Variants in BMERB1 observed in about 807,000 individuals in gnomAD.
BMERB1 encodes the protein bMERB domain containing 1.
Under a neutral mutation model 23.6 loss-of-function variants are expected in BMERB1, and 12 were observed. The ratio of observed to expected loss-of-function variants is 0.51; its 90% CI spans 0.33 to 0.82. The LOEUF is 0.82. BMERB1 is among the 40% of genes least tolerant of loss of function. The pLI, the probability that BMERB1 is intolerant of heterozygous loss-of-function variation, is 0.03. For missense variants in BMERB1, 247 were observed against 255.4 expected (o/e 0.97, Z 0.22); for synonymous variants, 122 against 96.6 (o/e 1.26, Z -1.54).
At chr16:15,535,491 C>CAA (rs997346871) in intron 2 of BMERB1, among the ~76,000 whole-genome samples, 1 of 150,352 alleles carries the variant, frequency 6.7e-6, no homozygotes, top group East Asian at 1.9e-4. Context: ...ACTAAAAATA[C>CAA]AAAAAAAAAT....
intron 3 of BMERB1, among the ~76,000 whole-genome samples, chr16:15,573,565 G>C (rs73499200): frequency 0.06 from 9,122 of 151,856 alleles, 954 homozygotes; most frequent in African/African-American, 0.21. Context: ...CACTTTATCT[G>C]GGTGGTACCC....
chr16:15,496,053 G>A (rs2051469860), intron 1 of BMERB1, among the ~76,000 whole-genome samples: 1 of 151,946 alleles, frequency 6.6e-6, no homozygotes, highest in South Asian at 2.1e-4. Context: ...TAATGATGGT[G>A]GTGATGGTGA....
At chr16:15,569,248 A>G (rs1596400493) in intron 3 of BMERB1, among the ~76,000 whole-genome samples, 1 of 152,116 alleles carries the variant, frequency 6.6e-6, no homozygotes, top group Non-Finnish European at 1.5e-5. Context: ...AGTAATTTAT[A>G]AAGAAAATAA....
chr16:15,473,775 A>G (rs574448724), intron 1 of BMERB1, among the ~76,000 whole-genome samples: 9 of 152,084 alleles, frequency 5.9e-5, no homozygotes, highest in Non-Finnish European at 1.3e-4. Context: ...TCTAGTTGCC[A>G]TGGTTTCAAA....
At chr16:15,521,312 T>C (rs561132215) in intron 2 of BMERB1, among the ~76,000 whole-genome samples, 1 of 152,174 alleles carries the variant, frequency 6.6e-6, no homozygotes, top group Non-Finnish European at 1.5e-5. Context: ...ATGCAGACAG[T>C]CAAAGTTTGT....
intron 1 of BMERB1, among the ~76,000 whole-genome samples, chr16:15,445,805 C>T (rs1181482806): frequency 1.3e-5 from 2 of 152,130 alleles, no homozygotes; most frequent in Admixed American, 1.3e-4. Context: ...GAGCAAGTGT[C>T]TCTACAAATA....
At chr16:15,558,738 C>G (rs2030338623) in intron 2 of BMERB1, among the ~76,000 whole-genome samples, 1 of 151,696 alleles carries the variant, frequency 6.6e-6, no homozygotes, top group Non-Finnish European at 1.5e-5. Flanking sequence ...TATCATTTGG[C>G]TGCTTGACTT....
intron 3 of BMERB1, among the ~76,000 whole-genome samples, chr16:15,579,044 CTA>C (rs1014851960): frequency 7.9e-5 from 12 of 152,094 alleles, no homozygotes; most frequent in African/African-American, 2.7e-4. Context: ...GGGAATGCCT[CTA>C]TTGGTGAGTG....
intron 1 of BMERB1, among the ~76,000 whole-genome samples, chr16:15,488,772 C>T (rs1340901087): frequency 5.4e-5 from 8 of 149,036 alleles, no homozygotes; most frequent in Non-Finnish European, 1.2e-4. Flanking sequence ...GAACCGAGAT[C>T]GCGCCACTGC....
intron 1 of BMERB1, among the ~76,000 whole-genome samples, chr16:15,453,952 C>T (rs1172586839): frequency 6.6e-6 from 1 of 152,100 alleles, no homozygotes; most frequent in Non-Finnish European, 1.5e-5. Context: ...TCAGATGTCC[C>T]TTCCTCCCTT....
At chr16:15,457,905 ATCC>A (rs1399207261) in intron 1 of BMERB1, among the ~76,000 whole-genome samples, 1 of 152,214 alleles carries the variant, frequency 6.6e-6, no homozygotes, top group Non-Finnish European at 1.5e-5. Flanking sequence ...AAGCAAACAT[ATCC>A]TTCTTCACAG....
chr16:15,481,810 C>A lies in BMERB1; in HGVS notation c.107-33495C>A, dbSNP rs545681168. ...CATGATCTCGGGTCACTGCAACCTC[C>A]ACCTCCCAGGTTCAAGCAACTCTCC... is the stretch of plus-strand genomic sequence containing the variant. On this transcript the variant is annotated intron_variant, in intron 1 of 5. Coordinates refer to ENST00000300006, the MANE Select transcript of BMERB1 (RefSeq NM_033201.3). Among the ~76,000 whole-genome samples the A allele has an allele frequency of 2.0e-5, 3 of 151,568 alleles. No individual in the cohort carries two copies. In the South Asian group the frequency reaches 6.3e-4, roughly 32 times the overall value.
chr16:15,576,037 AT>A (rs58602187), intron 3 of BMERB1, among the ~76,000 whole-genome samples: 11,471 of 131,890 alleles, frequency 0.087, 1,003 homozygotes, highest in African/African-American at 0.28. Context: ...AGCATTAGTA[AT>A]TTTTTTTTTT....
intron 2 of BMERB1, among the ~76,000 whole-genome samples, chr16:15,560,233 G>A (rs2030379567): frequency 1.3e-5 from 2 of 152,202 alleles, no homozygotes; most frequent in African/African-American, 4.8e-5. Flanking sequence ...CTTTTGGGAG[G>A]ATTCAATGAC....
intron 1 of BMERB1, among the ~76,000 whole-genome samples, chr16:15,464,312 TA>T (rs528828210): frequency 0.038 from 3,993 of 103,960 alleles, 156 homozygotes; most frequent in South Asian, 0.13. Flanking sequence ...GACTTCATCT[TA>T]AAAAAAAAAA....
intron 2 of BMERB1, among the ~76,000 whole-genome samples, chr16:15,532,537 T>TC (rs1293637925): frequency 7.3e-6 from 1 of 137,498 alleles, no homozygotes; most frequent in Non-Finnish European, 1.5e-5. Flanking sequence ...CTTTTTTTTT[T>TC]CTTTTTCTTT....
chr16:15,515,575 C>A, intron 2 of BMERB1, 147 bp downstream of exon 2: 5 of 1,196,800 alleles, frequency 4.2e-6, no homozygotes, highest in Non-Finnish European at 5.6e-6. Context: ...CTCACCACCA[C>A]CCAGGGAAGT....
chr16:15,524,586 G>GGC (rs2051887832), intron 2 of BMERB1, among the ~76,000 whole-genome samples: 4 of 152,174 alleles, frequency 2.6e-5, no homozygotes, highest in Non-Finnish European at 1.5e-5. Flanking sequence ...TGGCCAACAT[G>GGC]GCAAAACCCC....
At chr16:15,509,331 G>GA (rs1373324513) in intron 1 of BMERB1, among the ~76,000 whole-genome samples, 3 of 146,896 alleles carry the variant, frequency 2.0e-5, no homozygotes, top group African/African-American at 7.7e-5. Context: ...GAGTGGAAGG[G>GA]GGGTGGGGGG....
Sources: allele counts gnomAD v4.1 joint callset (sites outside exome capture counted in the v4.1 genomes callset), GRCh38; gene constraint gnomAD v4.1.1; transcripts MANE v1.5; gene names NCBI Gene and HGNC (gene_info 2026-07-23, HGNC 2026-07-21).